The following ANKRD30A variants were observed in gnomAD, a reference collection of about 807,000 sequenced individuals.
ANKRD30A encodes the protein ankyrin repeat domain-containing protein 30A.
A neutral mutation model predicts 166.3 loss-of-function variants in ANKRD30A; 170 were observed. That is an observed-to-expected ratio of 1.02 (90% CI 0.90 to 1.16). The LOEUF is 1.16. Among genes scored for constraint, ANKRD30A ranks in the 50% most tolerant of loss-of-function variants. The probability of loss-of-function intolerance (pLI) is 0.00; values close to 1 mark genes in which losing one functional copy is unlikely to be tolerated. For missense variants in ANKRD30A, 1,630 were observed against 1,518.0 expected (o/e 1.07, Z -1.23); for synonymous variants, 564 against 508.9 (o/e 1.11, Z -1.46).
At chr10:37,165,333 G>T (rs1356257628) in intron 18 of ANKRD30A, among the ~76,000 whole-genome samples, 178 bp downstream of exon 18, 1 of 152,196 alleles carries the variant, frequency 6.6e-6, no homozygotes. Flanking sequence ...GCTTCACAGT[G>T]AAATTCTGGG....
the ANKRD30A span, among the ~76,000 whole-genome samples, chr10:37,258,217 T>C: frequency 1.3e-5 from 2 of 152,224 alleles, no homozygotes; most frequent in Non-Finnish European, 2.9e-5. Context: ...AAATAAGTCA[T>C]TTCTATTTAC....
chr10:37,165,835 C>T (rs1369560846), intron 18 of ANKRD30A, among the ~76,000 whole-genome samples: 5 of 152,008 alleles, frequency 3.3e-5, no homozygotes, highest in Admixed American at 6.6e-5. Context: ...GTCACAACGG[C>T]GGAAAGACAT....
chr10:37,159,359 A>G (rs1838650051), intron 15 of ANKRD30A, among the ~76,000 whole-genome samples: 2 of 152,134 alleles, frequency 1.3e-5, no homozygotes, highest in African/African-American at 4.8e-5. Context: ...TCTACTAAAT[A>G]TAACAAAAAA....
intron 29 of ANKRD30A, among the ~76,000 whole-genome samples, chr10:37,199,474 A>G (rs1218093184): frequency 1.3e-5 from 2 of 152,060 alleles, no homozygotes; most frequent in East Asian, 1.9e-4. Context: ...TGCTTTGTGA[A>G]GAAATAATTC....
chr10:37,148,460 G>GT (rs898052059), intron 9 of ANKRD30A, among the ~76,000 whole-genome samples: 1 of 152,010 alleles, frequency 6.6e-6, no homozygotes, highest in Non-Finnish European at 1.5e-5. Context: ...GGAAGTTAGA[G>GT]TTTTTTTAAA....
At chr10:37,194,288 T>C (rs1840867005) in intron 27 of ANKRD30A, among the ~76,000 whole-genome samples, 1 of 152,172 alleles carries the variant, frequency 6.6e-6, no homozygotes, top group Non-Finnish European at 1.5e-5. Flanking sequence ...ATGTGTAGAA[T>C]TTGTTTTCAT....
Position 37,166,158 on chromosome 10 carries a change from C to A in ANKRD30A, c.2065-447C>A, listed in dbSNP as rs1429488934. ...CTCTAAAAGTTCTCATCATGACATG[C>A]ATGATTTTTAACACTAAACAGTTCT... On this transcript the variant is annotated intron_variant, in intron 18 of 35. Coordinates refer to ENST00000361713, the MANE Select transcript of ANKRD30A (RefSeq NM_052997.3). 3.9e-5 allele frequency among the ~76,000 whole-genome samples: 6 copies of A among 152,254 alleles called. No individual in the cohort carries two copies. The East Asian group carries it at 1.2e-3, about 29-fold the overall frequency.
chr10:37,198,304 C>T (rs552808530), intron 29 of ANKRD30A, among the ~76,000 whole-genome samples: 23 of 151,974 alleles, frequency 1.5e-4, no homozygotes, highest in African/African-American at 3.9e-4. Context: ...CGTTTTTGAT[C>T]AGCATTATAA....
Position 37,231,558 on chromosome 10 carries a change from CT to C in ANKRD30A, c.*91del. 9.3e-7 allele frequency: 1 copy of C among 1,070,634 alleles called. No homozygotes were observed. Among genetic ancestry groups the C allele is most frequent in the Non-Finnish European group, 1.3e-6 (1 of 753,394 alleles). The allele number at this position is 1,070,634 out of a possible 1,614,324, so 66.3% of individuals were successfully genotyped here. Reference sequence around the variant, plus strand: ...GCTAGGAGGCCAGTCCTAGCATCACCTTATGTTGAAAATCTTACCAATAGTC... The same window carrying C: ...GCTAGGAGGCCAGTCCTAGCATCACCTATGTTGAAAATCTTACCAATAGTC... On this transcript the variant is annotated 3_prime_UTR_variant, in exon 35 of 36. Transcript: ENST00000361713.
intron 24 of ANKRD30A, among the ~76,000 whole-genome samples, chr10:37,179,054 A>ATATATATATATG: frequency 7.4e-6 from 1 of 135,412 alleles, no homozygotes; most frequent in African/African-American, 2.9e-5. Context: ...ATATATATAT[A>ATATATATATATG]TATATATATA....
chr10:37,190,743 A>T (rs568853937), intron 25 of ANKRD30A, among the ~76,000 whole-genome samples: 4 of 151,848 alleles, frequency 2.6e-5, no homozygotes, highest in Admixed American at 2.6e-4. Context: ...GACTACTGGA[A>T]TCATGAGGAT....
downstream of ANKRD30A, among the ~76,000 whole-genome samples, chr10:37,234,681 G>T (rs1044066031): frequency 2.6e-5 from 4 of 152,036 alleles, no homozygotes; most frequent in Non-Finnish European, 5.9e-5. Flanking sequence ...TACATTGATT[G>T]GTTTTGGACT....
At chr10:37,238,507 G>A in the ANKRD30A span, among the ~76,000 whole-genome samples, 1 of 152,066 alleles carries the variant, frequency 6.6e-6, no homozygotes, top group Non-Finnish European at 1.5e-5. Flanking sequence ...GTAAAAAATG[G>A]CGTCACTTAA....
In ANKRD30A at chr10:37,141,782, T is replaced by G. The variant is rs199611649; in HGVS notation, c.885T>G (p.Ala295=). 9 of 1,611,374 alleles carry G rather than the reference T, an allele frequency of 5.6e-6. No individual in the cohort carries two copies. The African/African-American group carries it at 1.1e-4, about 19-fold the overall frequency. Residue 295 remains alanine (A), a synonymous_variant, in exon 7 of 36, where the codon GCT becomes GCG. Coordinates refer to ENST00000361713, the MANE Select transcript of ANKRD30A (RefSeq NM_052997.3). The part of the protein sequence containing the change: ...APLAERTPDT[A]ESLVEKTPDE... The stretch of plus-strand genomic sequence containing the variant: ...TGGCGGAAAGAACACCTGACACAGC[T>G]GAAAGCTTGGTGGAAAAAACACCTG...
At chr10:37,164,991 G>A in intron 17 of ANKRD30A, 103 bp from the exon 18 acceptor site, 2 of 1,263,898 alleles carry the variant, frequency 1.6e-6, no homozygotes, top group East Asian at 2.4e-5. Context: ...GGGCCACAGA[G>A]GAAAATCCAC....
At chr10:37,253,143 A>C in the ANKRD30A span, among the ~76,000 whole-genome samples, 1 of 152,192 alleles carries the variant, frequency 6.6e-6, no homozygotes, top group Non-Finnish European at 1.5e-5. Context: ...ACACGTTTCC[A>C]CCTTTGAAAT....
chr10:37,259,741 A>T, the ANKRD30A span, among the ~76,000 whole-genome samples: 2 of 152,212 alleles, frequency 1.3e-5, no homozygotes, highest in African/African-American at 4.8e-5. Context: ...CCAAACCAAA[A>T]AATACACATG....
chr10:37,245,868 C>G, the ANKRD30A span, among the ~76,000 whole-genome samples: 1 of 152,186 alleles, frequency 6.6e-6, no homozygotes, highest in Admixed American at 6.5e-5. Flanking sequence ...TGGGTAATCT[C>G]AGGCCCTAAA....
At chr10:37,230,442 A>G (rs1252969041) in intron 34 of ANKRD30A, among the ~76,000 whole-genome samples, 1 of 151,996 alleles carries the variant, frequency 6.6e-6, no homozygotes, top group Admixed American at 6.6e-5. Context: ...TTGGTTTTAT[A>G]TGGCTTTTTT....
Sources: allele counts gnomAD v4.1 joint callset (sites outside exome capture counted in the v4.1 genomes callset), GRCh38; gene constraint gnomAD v4.1.1; transcripts MANE v1.5; gene names NCBI Gene and HGNC (gene_info 2026-07-23, HGNC 2026-07-21).